The following KLHL1 variants were observed in gnomAD, a reference collection of about 807,000 sequenced individuals.
KLHL1 encodes kelch-like protein 1.
In KLHL1, 47 loss-of-function variants were observed where a neutral mutation model predicts 77.7. That is an observed-to-expected ratio of 0.60 (90% confidence interval 0.48 to 0.77). The LOEUF (loss-of-function observed/expected upper bound fraction) is 0.77, where lower values mean the gene tolerates loss of function less well. Ranked by LOEUF, KLHL1 falls within the 30% of genes least tolerant of loss-of-function variation. The probability of loss-of-function intolerance (pLI) is 0.00; values close to 1 mark genes in which losing one functional copy is unlikely to be tolerated. For missense variants in KLHL1, 925 were observed against 910.8 expected (o/e 1.02, Z -0.20); for synonymous variants, 360 against 325.2 (o/e 1.11, Z -1.15).
At chr13:70,102,722 G>A (rs1228125216) in intron 1 of KLHL1, among the ~76,000 whole-genome samples, 1 of 152,118 alleles carries the variant, frequency 6.6e-6, no homozygotes, top group East Asian at 1.9e-4. Context: ...TCTTATCTAT[G>A]TAATCATTAT....
At chr13:69,996,547 A>T (rs1233044878) in intron 1 of KLHL1, among the ~76,000 whole-genome samples, 1 of 152,092 alleles carries the variant, frequency 6.6e-6, no homozygotes, top group African/African-American at 2.4e-5. Context: ...TTCCCATAAC[A>T]CTTTGTAAAA....
At chr13:69,745,810 G>A (rs1874186418) in intron 7 of KLHL1, among the ~76,000 whole-genome samples, 1 of 151,312 alleles carries the variant, frequency 6.6e-6, no homozygotes, top group Admixed American at 6.6e-5. Flanking sequence ...ATATCCTTTT[G>A]GTATTTCATA....
intron 2 of KLHL1, among the ~76,000 whole-genome samples, chr13:69,968,592 C>T (rs1360624098): frequency 6.7e-6 from 1 of 149,978 alleles, no homozygotes; most frequent in Non-Finnish European, 1.5e-5. Context: ...TTGTTTTAAA[C>T]ATAAAATATA....
chr13:70,057,469 C>CAAAAAAAAAAAAAA (rs56235725), intron 1 of KLHL1, among the ~76,000 whole-genome samples: 1 of 87,110 alleles, frequency 1.1e-5, no homozygotes, highest in African/African-American at 4.6e-5. Context: ...AAAGACACAT[C>CAAAAAAAAAAAAAA]AAAAAAAAAA....
At chr13:70,050,743 C>T (rs1379855302) in intron 1 of KLHL1, among the ~76,000 whole-genome samples, 1 of 151,828 alleles carries the variant, frequency 6.6e-6, no homozygotes, top group Non-Finnish European at 1.5e-5. Flanking sequence ...GTAATTGTTA[C>T]CTATCATAAC....
rs71116988 is a variant in KLHL1 at position 70,084,622 on chromosome 13, C to CTTTTTTTTTTTTTTTTTTTTTTTTT, written c.497+22556_497+22580dup. ...TACAGGCACCTGCCACCACGCCAGG[C>CTTTTTTTTTTTTTTTTTTTTTTTTT]TTTTTTTTTTTTTTTTTTTTTTTTT... On this transcript the variant is annotated intron_variant, in intron 1 of 10. Transcript: ENST00000377844. 2.8e-3 allele frequency among the ~76,000 whole-genome samples: 42 copies of CTTTTTTTTTTTTTTTTTTTTTTTTT among 14,952 alleles called. 12 individuals are homozygous for CTTTTTTTTTTTTTTTTTTTTTTTTT. Among genetic ancestry groups the CTTTTTTTTTTTTTTTTTTTTTTTTT allele is most frequent in the East Asian group, 4.5e-3 (1 of 220 alleles). 9.8% of individuals were successfully genotyped at this position (14,952 alleles called of 152,430 possible). A position where few individuals can be genotyped will look rare whatever the true frequency, so the allele number is the denominator to read the frequency against.
intron 1 of KLHL1, among the ~76,000 whole-genome samples, chr13:70,055,019 G>GT (rs1343772334): frequency 3.3e-4 from 1 of 2,994 alleles, no homozygotes; most frequent in East Asian, 0.1. Context: ...ATTCAAAGAC[G>GT]TAATAGAAAT....
chr13:69,978,981 T>TG (rs988837552), intron 1 of KLHL1, among the ~76,000 whole-genome samples: 2 of 151,618 alleles, frequency 1.3e-5, no homozygotes, highest in East Asian at 1.9e-4. Flanking sequence ...TTTGGGGGGC[T>TG]GGGGGTCATA....
At chr13:69,821,152 T>C (rs1878320947) in intron 6 of KLHL1, among the ~76,000 whole-genome samples, 1 of 152,170 alleles carries the variant, frequency 6.6e-6, no homozygotes, top group South Asian at 2.1e-4. Flanking sequence ...CGAACTGTTC[T>C]TAGTACATAA....
At position 69,928,337 on chromosome 13, in the gene KLHL1, C is replaced by G. The variant is rs150819518; in HGVS notation, c.1014+11703G>C. Among the ~76,000 whole-genome samples, 27 of 152,330 alleles carry G rather than the reference C, an allele frequency of 1.8e-4. No homozygotes were observed. In the Middle Eastern group the frequency reaches 0.014, roughly 77 times the overall value. On this transcript the variant is annotated intron_variant, in intron 4 of 10. Coordinates refer to ENST00000377844, the MANE Select transcript of KLHL1 (RefSeq NM_020866.3). ...CTCAAAAACTTAAACATCCGATTCC[C>G]TAACTTTTCAGGGAGACAGATTTGA...
At position 70,095,760 on chromosome 13, in the gene KLHL1, T is replaced by C. The variant is rs140155912; in HGVS notation, c.497+11443A>G. ...TAACTATAGTCATCCCATTGTGCTA[T>C]TTAACACAGCATCTTATTCCTTCTA... On this transcript the variant is annotated intron_variant, in intron 1 of 10. Transcript: ENST00000377844. Among the ~76,000 whole-genome samples, 790 of 152,268 alleles carry C rather than the reference T, an allele frequency of 5.2e-3. 10 individuals are homozygous for C. The highest frequency in any genetic ancestry group is 0.018 in the African/African-American group (741 of 41,560).
intron 1 of KLHL1, among the ~76,000 whole-genome samples, chr13:69,988,717 A>C (rs2137309812): frequency 6.6e-6 from 1 of 152,156 alleles, no homozygotes; most frequent in East Asian, 1.9e-4. Flanking sequence ...GATTAGTGAT[A>C]TTGAACATTT....
intron 5 of KLHL1, among the ~76,000 whole-genome samples, chr13:69,854,006 T>C (rs1879792521): frequency 6.6e-6 from 1 of 151,944 alleles, no homozygotes; most frequent in South Asian, 2.1e-4. Flanking sequence ...TAAAGGGAAA[T>C]TACTTCCTAT....
intron 6 of KLHL1, among the ~76,000 whole-genome samples, chr13:69,797,644 C>T (rs1024060512): frequency 2.0e-5 from 3 of 147,050 alleles, no homozygotes; most frequent in Non-Finnish European, 4.5e-5. Context: ...CGGTGAAACC[C>T]CGTCTCTACT....
rs200890874 is a variant in KLHL1, at chr13:69,855,288, T to TTAGA, written c.1228-16130_1228-16127dup. Among the ~76,000 whole-genome samples, 385 of 141,920 alleles carry TTAGA rather than the reference T, an allele frequency of 2.7e-3. 4 individuals are homozygous for TTAGA. Among genetic ancestry groups the TTAGA allele is most frequent in the South Asian group, 4.4e-3 (19 of 4,316 alleles). 93.1% of individuals were successfully genotyped at this position (141,920 alleles called of 152,430 possible). ...AAGTATTTTATCACTCGTACTAATT[T>TTAGA]TAGATAGATAGATAGATAGATAGAT... On this transcript the variant is annotated intron_variant, in intron 5 of 10. Transcript: ENST00000377844.
rs771940184 is a variant in KLHL1 at position 69,719,411 on chromosome 13, G to A, written c.1973C>T (p.Pro658Leu). The change falls in exon 9 of 11, where the codon CCT becomes CTT. Residue 658 changes from proline (P) to leucine (L), a missense_variant. Physicochemically the swap from Pro to Leu is moderately conservative, Grantham distance 98. Coordinates refer to ENST00000377844, the MANE Select transcript of KLHL1 (RefSeq NM_020866.3). ...TAGCCGGGAACAGTGATTTGAAGCA[G>A]GAGCATCATGACCTCCTACTGCATA... is the stretch of plus-strand genomic sequence containing the variant. The part of the protein sequence containing the change: ...FLYAVGGHDA[P>L]ASNHCSRLLD... The A allele has an allele frequency of 3.7e-6, 6 of 1,613,436 alleles. No individual in the cohort carries two copies. Among genetic ancestry groups the A allele is most frequent in the Non-Finnish European group, 5.1e-6 (6 of 1,179,738 alleles).
At chr13:69,717,345 A>G (rs74506710) in intron 9 of KLHL1, among the ~76,000 whole-genome samples, 3,516 of 152,252 alleles carry the variant, frequency 0.023, 149 homozygotes, top group African/African-American at 0.081. Context: ...GAGGAGTTAC[A>G]TGTGAAATCA....
rs1363231538 is a variant in KLHL1, at chr13:69,844,555, C to T, written c.1228-5393G>A. 9.2e-5 allele frequency among the ~76,000 whole-genome samples: 14 copies of T among 151,580 alleles called. No individual in the cohort carries two copies. The Admixed American group carries it at 9.2e-4, about 10-fold the overall frequency. On this transcript the variant is annotated intron_variant, in intron 5 of 10. Transcript: ENST00000377844. ...TCTAAACCTCATTACCTTTAAAGGCCCTACCTCCTAATAGCATTACTGTGG... is the reference window on the plus strand; with the variant it reads ...TCTAAACCTCATTACCTTTAAAGGCTCTACCTCCTAATAGCATTACTGTGG...
chr13:69,998,245 A>G (rs1489489129), intron 1 of KLHL1, among the ~76,000 whole-genome samples: 1 of 152,094 alleles, frequency 6.6e-6, no homozygotes, highest in Non-Finnish European at 1.5e-5. Flanking sequence ...CAACTTTGGC[A>G]TTAGGAGGCA....
Sources: gnomAD v4.1 joint callset for allele counts (sites outside exome capture counted in the v4.1 genomes callset) on GRCh38, gnomAD v4.1.1 for gene constraint, MANE v1.5 for transcripts, NCBI Gene and HGNC (gene_info 2026-07-23, HGNC 2026-07-21) for gene names.